PLA2G3: variants seen among roughly 807,000 people sequenced by gnomAD.
PLA2G3 encodes phospholipase A2 group III.
In PLA2G3, 39 loss-of-function variants were observed where a neutral mutation model predicts 51.3. That is an observed-to-expected ratio of 0.76 (90% confidence interval 0.59 to 0.99). PLA2G3 has a LOEUF of 0.99. PLA2G3 is among the 50% of genes least tolerant of loss of function. PLA2G3 has a pLI of 0.00. For missense variants in PLA2G3, 677 were observed against 662.1 expected (o/e 1.02, Z -0.25); for synonymous variants, 293 against 263.1 (o/e 1.11, Z -1.10).
rs772841641 is a variant in PLA2G3 at position 31,139,999 on chromosome 22, C to T, written c.356G>A (p.Arg119Gln). 2.5e-5 allele frequency: 41 copies of T among 1,613,680 alleles called. No homozygotes were observed. The highest frequency in any genetic ancestry group is 3.3e-5 in the Admixed American group (2 of 59,998). Residue 119 changes from arginine to glutamine, a missense_variant, in exon 1 of 7, where the codon CGA becomes CAA. Arg to Gln is a conservative substitution (Grantham distance 43). Coordinates refer to ENST00000215885, the MANE Select transcript of PLA2G3 (RefSeq NM_015715.5). Reference sequence around the variant, plus strand: ...CCCTGCTGGACTCTCCTCAAGCGCTCGGCATGCCTCCCACTGACTCTGAAG... The same window carrying T: ...CCCTGCTGGACTCTCCTCAAGCGCTTGGCATGCCTCCCACTGACTCTGAAG... Reference protein sequence around the residue: ...ATLQSQWEACRALEESPAGAR... With the variant: ...ATLQSQWEACQALEESPAGAR...
chr22:31,139,729 A>G (rs1922782876), intron 1 of PLA2G3, 112 bp downstream of exon 1: 8 of 695,142 alleles, frequency 1.2e-5, no homozygotes, highest in South Asian at 1.9e-5. Context: ...GAGGTTCACC[A>G]TGGTCAAGTC....
intron 1 of PLA2G3, 127 bp downstream of exon 1, chr22:31,139,714 A>C: frequency 1.5e-6 from 1 of 645,460 alleles, no homozygotes. Context: ...ACAGATAAGG[A>C]AATTGAGGTT....
At position 31,136,728 on chromosome 22, in the gene PLA2G3, G is replaced by A. The variant is rs774968291; in HGVS notation, c.1271C>T (p.Thr424Ile). Residue 424 changes from threonine (T) to isoleucine (I), a missense_variant, in exon 6 of 7, where the codon ACC (threonine) becomes ATC (isoleucine). Transcript: ENST00000215885. ...CAGTGGAGGGGCCAGCTTGAAGCAGGTTGTGCCCAGCAGCTCCCAAAGCAT... is the reference window on the plus strand; with the variant it reads ...CAGTGGAGGGGCCAGCTTGAAGCAGATTGTGCCCAGCAGCTCCCAAAGCAT... ...TNMLWELLGT[T>I]CFKLAPPLDC... 4 of 1,613,444 alleles carry A rather than the reference G, an allele frequency of 2.5e-6. No homozygotes were observed. The highest frequency in any genetic ancestry group is 2.7e-5 in the African/African-American group (2 of 74,896).
intron 2 of PLA2G3, 68 bp from the exon 3 acceptor site, chr22:31,138,478 G>C (rs1017208705): frequency 5.1e-6 from 8 of 1,580,414 alleles, no homozygotes; most frequent in Non-Finnish European, 6.9e-6. Context: ...ACAGCCCACT[G>C]TGCCACTACC....
In PLA2G3 at chr22:31,138,447, G is replaced by A. The variant is rs372278037; in HGVS notation, c.648-37C>T. 4 of 1,608,654 alleles carry A rather than the reference G, an allele frequency of 2.5e-6. No individual in the cohort carries two copies. The African/African-American group carries it at 4.0e-5, about 16-fold the overall frequency. Reference sequence around the variant, plus strand: ...CAGATACCCAGGACCCTGGGGCATGGAGGGCTGTCTGGCTCCTCCCACAGC... The same window carrying A: ...CAGATACCCAGGACCCTGGGGCATGAAGGGCTGTCTGGCTCCTCCCACAGC... On this transcript the variant is annotated intron_variant, in intron 2 of 6. Coordinates refer to ENST00000215885, the MANE Select transcript of PLA2G3 (RefSeq NM_015715.5).
chr22:31,137,437 GT>G (rs1332471527), intron 4 of PLA2G3, among the ~76,000 whole-genome samples: 9 of 152,178 alleles, frequency 5.9e-5, no homozygotes, highest in African/African-American at 9.7e-5. Context: ...TTGACTGGGG[GT>G]AGGGTCTGCA....
At position 31,136,931 on chromosome 22, in the gene PLA2G3, G is replaced by T; in HGVS notation, c.1176C>A (p.Leu392=). The T allele has an allele frequency of 6.2e-7, 1 of 1,607,814 alleles. No individual in the cohort carries two copies. The highest frequency in any genetic ancestry group is 2.2e-5 in the East Asian group (1 of 44,554). ...ACCGGCGCGTGCAGTTGCAGTGGAA[G>T]AGGGGCTCTTGGGCGCTGTTGAGCA... ...FQLLNSAQEP[L]FHCNCTRRLA... Residue 392 remains leucine (L), a synonymous_variant, in exon 5 of 7, where the codon CTC becomes CTA. Coordinates refer to ENST00000215885, the MANE Select transcript of PLA2G3 (RefSeq NM_015715.5).
Position 31,140,268 on chromosome 22 carries a change from G to A in PLA2G3, c.87C>T (p.Thr29=). 2 of 1,612,308 alleles carry A rather than the reference G, an allele frequency of 1.2e-6. No individual in the cohort carries two copies. The highest frequency in any genetic ancestry group is 1.7e-6 in the Non-Finnish European group (2 of 1,179,954). ...GGACGGCCTTGGTCAAGTGGCAGGA[G>A]GTCCTGTACCAGCGGAGGGCAGGGG... ...GGSPALRWYR[T]SCHLTKAVPG... is the part of the protein sequence containing the mutation. Residue 29 remains threonine (T), a synonymous_variant, in exon 1 of 7, where the codon ACC becomes ACT. Transcript: ENST00000215885.
chr22:31,136,026 G>C, intron 6 of PLA2G3, 90 bp from the exon 7 acceptor site: 2 of 1,087,082 alleles, frequency 1.8e-6, no homozygotes, highest in Non-Finnish European at 2.7e-6. Flanking sequence ...CAGAGAGAGA[G>C]GGGGCTGGGG....
At position 31,138,726 on chromosome 22, in the gene PLA2G3, G is replaced by T. The variant is rs1160430469; in HGVS notation, c.588C>A (p.Tyr196Ter). Residue 196 changes from tyrosine to a stop codon, truncating the protein, a stop_gained, in exon 2 of 7, where the codon TAC (tyrosine) becomes TAA (stop). Coordinates refer to ENST00000215885, the MANE Select transcript of PLA2G3 (RefSeq NM_015715.5). LOFTEE classifies it high-confidence loss of function. ...ATCGGTAGTTTCGGATGCCATAGTT[G>T]TACTGCAAGGGTGAGATGTTCTGTG... is the stretch of plus-strand genomic sequence containing the variant. ...RCPQNISPLQ[Y>*]NYGIRNYRFH... 1 of 1,614,074 alleles carries T rather than the reference G, an allele frequency of 6.2e-7. No individual in the cohort carries two copies. Among genetic ancestry groups the T allele is most frequent in the Non-Finnish European group, 8.5e-7 (1 of 1,179,978 alleles).
At chr22:31,137,164 A>C in intron 4 of PLA2G3, 124 bp from the exon 5 acceptor site, 41 of 1,026,938 alleles carry the variant, frequency 4.0e-5, no homozygotes, top group Non-Finnish European at 5.1e-5. Flanking sequence ...CCTCCATTTC[A>C]TGCCTTCTGA....
In PLA2G3 at chr22:31,135,256, T is replaced by C; in HGVS notation, c.*467A>G. On this transcript the variant is annotated 3_prime_UTR_variant, in exon 7 of 7. Coordinates refer to ENST00000215885, the MANE Select transcript of PLA2G3 (RefSeq NM_015715.5). ...CCAATCCTGGATTCAGACACAGACA[T>C]TTCTGTGACATCCCTAACTTCCCAC... 6.3e-6 allele frequency: 1 copy of C among 158,654 alleles called. No individual in the cohort carries two copies. The highest frequency in any genetic ancestry group is 1.4e-5 in the Non-Finnish European group (1 of 71,828). The allele number at this position is 158,654 out of a possible 1,614,324, so 9.8% of individuals were successfully genotyped here. A position where few individuals can be genotyped will look rare whatever the true frequency, so the allele number is the denominator to read the frequency against.
At chr22:31,136,445 G>T (rs1465132325) in intron 6 of PLA2G3, among the ~76,000 whole-genome samples, 1 of 152,192 alleles carries the variant, frequency 6.6e-6, no homozygotes, top group South Asian at 2.1e-4. Context: ...AACTTGGAAA[G>T]GTGAACCAGT....
chr22:31,137,778 A>G lies in PLA2G3; in HGVS notation c.998T>C (p.Met333Thr). Residue 333 changes from methionine to threonine, a missense_variant, in exon 4 of 7, where the codon ATG becomes ACG. Coordinates refer to ENST00000215885, the MANE Select transcript of PLA2G3 (RefSeq NM_015715.5). ...GGCCACATCAAGCCTGGGAGAGACC[A>G]TAGGGTCCTGGAGGGCTGTGGTGTT... ...KANTTALQDP[M>T]VSPRLDVAPT... 3.1e-6 allele frequency: 5 copies of G among 1,613,960 alleles called. No individual in the cohort carries two copies. The highest frequency in any genetic ancestry group is 4.2e-6 in the Non-Finnish European group (5 of 1,179,972).
chr22:31,140,154 C>T lies in PLA2G3; in HGVS notation c.201G>A (p.Arg67=), dbSNP rs1461944403. 6.2e-7 allele frequency: 1 copy of T among 1,612,450 alleles called. No homozygotes were observed. Among genetic ancestry groups the T allele is most frequent in the African/African-American group, 1.3e-5 (1 of 74,934 alleles). Residue 67 remains arginine, a synonymous_variant, in exon 1 of 7, where the codon AGG becomes AGA. Coordinates refer to ENST00000215885, the MANE Select transcript of PLA2G3 (RefSeq NM_015715.5). ...CATCCTCCCAGCTACATGACTGCAG[C>T]CTCCTATGCGCATCCCAGCGGGCAT... ...LIHARWDAHR[R]LQSCSWEDEP...
rs1922732528 is a variant in PLA2G3, at chr22:31,138,690, G to C, written c.624C>G (p.Ile208Met). The change falls in exon 2 of 7, where the codon ATC becomes ATG. Residue 208 changes from isoleucine to methionine, a missense_variant. Coordinates refer to ENST00000215885, the MANE Select transcript of PLA2G3 (RefSeq NM_015715.5). ...ACCTGGTGTCACAGTCACAGTGGGA[G>C]ATGGTGTGGAATCGGTAGTTTCGGA... Reference protein sequence around the residue: ...YGIRNYRFHTISHCDCDTRFQ... With the variant: ...YGIRNYRFHTMSHCDCDTRFQ... The C allele has an allele frequency of 6.2e-7, 1 of 1,614,054 alleles. No homozygotes were observed. Among genetic ancestry groups the C allele is most frequent in the Admixed American group, 1.7e-5 (1 of 59,992 alleles).
chr22:31,137,572 A>T, intron 4 of PLA2G3, 138 bp downstream of exon 4: 4 of 774,508 alleles, frequency 5.2e-6, no homozygotes, highest in Non-Finnish European at 6.3e-6. Flanking sequence ...CCTGTGCTGC[A>T]GTGTGATTTC....
In PLA2G3 at chr22:31,135,811, C is replaced by G. The variant is rs917446388; in HGVS notation, c.1442G>C (p.Arg481Thr). ...ERQPWPSEPL[R>T]GPMSFYNQCL... ...CTGGTTGTAGAATGACATGGGGCCTCTCAGGGGCTCTGAAGGCCATGGCTG... is the reference window on the plus strand; with the variant it reads ...CTGGTTGTAGAATGACATGGGGCCTGTCAGGGGCTCTGAAGGCCATGGCTG... The change falls in exon 7 of 7, where the codon AGA becomes ACA. Residue 481 changes from arginine (R) to threonine (T), a missense_variant. By Grantham distance (71) the Arg-to-Thr change is moderately conservative (BLOSUM62 -1). Transcript: ENST00000215885. 6.2e-7 allele frequency: 1 copy of G among 1,613,974 alleles called. No homozygotes were observed. Among genetic ancestry groups the G allele is most frequent in the South Asian group, 1.1e-5 (1 of 91,078 alleles).
chr22:31,136,290 C>T (rs3788427), intron 6 of PLA2G3, among the ~76,000 whole-genome samples: 22,206 of 152,144 alleles, frequency 0.15, 1,684 homozygotes, highest in Non-Finnish European at 0.16. Flanking sequence ...GAGGATCGCT[C>T]GAGTCCAGAA....
Sources: gnomAD v4.1 joint callset for allele counts (sites outside exome capture counted in the v4.1 genomes callset) on GRCh38, gnomAD v4.1.1 for gene constraint, MANE v1.5 for transcripts, NCBI Gene and HGNC (gene_info 2026-07-23, HGNC 2026-07-21) for gene names.